Variants in SPP2 observed in about 807,000 individuals in gnomAD.
The protein encoded by SPP2 is secreted phosphoprotein 2.
Under a neutral mutation model 28.8 loss-of-function variants are expected in SPP2, and 34 were observed. The observed-to-expected ratio is 1.18, with a 90% CI of 0.90 to 1.57. The LOEUF is 1.57. SPP2 is among the 40% of genes most tolerant of loss of function. The pLI, the probability that SPP2 is intolerant of heterozygous loss-of-function variation, is 0.00. For missense variants in SPP2, 269 were observed against 263.9 expected (o/e 1.02, Z -0.13); for synonymous variants, 96 against 89.4 (o/e 1.07, Z -0.42).
chr2:234,051,185 C>T lies in SPP2; in HGVS notation c.210+90C>T, dbSNP rs1693489884. 5 of 1,513,328 alleles carry T rather than the reference C, an allele frequency of 3.3e-6. No homozygotes were observed. The Admixed American group carries it at 7.6e-5, about 23-fold the overall frequency. The allele number at this position is 1,513,328 out of a possible 1,614,324, so 93.7% of individuals were successfully genotyped here. A position where few individuals can be genotyped will look rare whatever the true frequency, so the allele number is the denominator to read the frequency against. ...TGGATATACTTTTAAGAAATTTTCT[C>T]CAGTTTAAAAATGATAGTAGCTAGT... On this transcript the variant is annotated intron_variant, in intron 2 of 7. Transcript: ENST00000168148.
rs746200177 is a variant in SPP2, at chr2:234,058,974, C to G, written c.333+16C>G. ...CTACTATGTGGTAAGTGGGAGGAGA[C>G]CCATCCCAGAAATGAACAAAAGGAA... On this transcript the variant is annotated intron_variant, in intron 3 of 7. Coordinates refer to ENST00000168148, the MANE Select transcript of SPP2 (RefSeq NM_006944.3). The G allele has an allele frequency of 3.1e-6, 5 of 1,604,598 alleles. No individual in the cohort carries two copies. Among genetic ancestry groups the G allele is most frequent in the Non-Finnish European group, 3.4e-6 (4 of 1,176,600 alleles).
intron 4 of SPP2, among the ~76,000 whole-genome samples, chr2:234,062,392 G>A (rs1693736757): frequency 6.6e-6 from 1 of 152,156 alleles, no homozygotes; most frequent in Non-Finnish European, 1.5e-5. Flanking sequence ...CAGGAAAGCT[G>A]GTGGGTTGAA....
At chr2:234,069,295 C>T (rs1484678852) in intron 6 of SPP2, among the ~76,000 whole-genome samples, 1 of 152,074 alleles carries the variant, frequency 6.6e-6, no homozygotes, top group Non-Finnish European at 1.5e-5. Context: ...ATCACTTCTG[C>T]ATAATCTATT....
At chr2:234,057,530 G>T (rs1169928767) in intron 2 of SPP2, among the ~76,000 whole-genome samples, 6 of 152,126 alleles carry the variant, frequency 3.9e-5, no homozygotes, top group Non-Finnish European at 8.8e-5. Flanking sequence ...TTTCTTGATA[G>T]CCCCATAACT....
chr2:234,070,374 G>A (rs562316277), intron 7 of SPP2, among the ~76,000 whole-genome samples: 26 of 152,240 alleles, frequency 1.7e-4, no homozygotes, highest in South Asian at 4.2e-4. Flanking sequence ...ACACAACTGC[G>A]GTCTCTGGTT....
In SPP2 at chr2:234,067,250, G is replaced by T; in HGVS notation, c.526G>T (p.Glu176Ter). 1 of 1,613,996 alleles carries T rather than the reference G, an allele frequency of 6.2e-7. No individual in the cohort carries two copies. Among genetic ancestry groups the T allele is most frequent in the Non-Finnish European group, 8.5e-7 (1 of 1,179,980 alleles). ...TCTCATTTCAGACGAGTCCATAAGT[G>T]AACAATTTTATGATCGGTCACTTGG... ...FGLISDESISEQFYDRSLGIM... is the reference protein window; with the variant it reads ...FGLISDESIS Residue 176 changes from glutamate to a stop codon, truncating the protein, a stop_gained, in exon 6 of 8, where the codon GAA (glutamate) becomes TAA (stop). Transcript: ENST00000168148. LOFTEE classifies it high-confidence loss of function.
chr2:234,050,970 G>T lies in SPP2; in HGVS notation c.86-1G>T, dbSNP rs1400560316. On this transcript the variant is annotated splice_acceptor_variant, in intron 1 of 7. Transcript: ENST00000168148. LOFTEE classifies it high-confidence loss of function. ...TGTGCCCCATGTGCTTGCGTGTCCAGGTTTCCCAGTGTACGACTACGATCC... is the reference window on the plus strand; with the variant it reads ...TGTGCCCCATGTGCTTGCGTGTCCATGTTTCCCAGTGTACGACTACGATCC... The T allele has an allele frequency of 1.7e-5, 28 of 1,613,898 alleles. No individual in the cohort carries two copies. The highest frequency in any genetic ancestry group is 2.3e-5 in the Non-Finnish European group (27 of 1,179,942).
At chr2:234,055,894 T>A (rs1366817174) in intron 2 of SPP2, among the ~76,000 whole-genome samples, 1 of 152,008 alleles carries the variant, frequency 6.6e-6, no homozygotes, top group Non-Finnish European at 1.5e-5. Context: ...ATTTTATGAG[T>A]ATCTTGGTAA....
At chr2:234,068,706 T>A (rs1693875158) in intron 6 of SPP2, among the ~76,000 whole-genome samples, 1 of 151,778 alleles carries the variant, frequency 6.6e-6, no homozygotes, top group African/African-American at 2.4e-5. Flanking sequence ...CCATGGCTTT[T>A]TTTTTTTTTT....
chr2:234,060,429 G>A lies in SPP2; in HGVS notation c.394G>A (p.Ala132Thr), dbSNP rs759424087. ...TGCCCAGCAGGTGCAGGGCGTGCAT[G>A]CTCGCTGCAGCTGGTCCTCCTCCAC... ...VSAQQVQGVH[A>T]RCSWSSSTSE... Residue 132 changes from alanine (A) to threonine (T), a missense_variant, in exon 4 of 8, where the codon GCT becomes ACT. Transcript: ENST00000168148. The A allele has an allele frequency of 1.2e-5, 19 of 1,613,458 alleles. No homozygotes were observed. The highest frequency in any genetic ancestry group is 1.6e-5 in the Non-Finnish European group (19 of 1,179,864).
intron 2 of SPP2, 79 bp from the exon 3 acceptor site, chr2:234,058,757 T>C (rs996223113): frequency 2.1e-6 from 3 of 1,462,962 alleles, no homozygotes; most frequent in Admixed American, 4.3e-5. Flanking sequence ...TTTTTTCTTA[T>C]GGGGTAGAGA....
intron 2 of SPP2, 145 bp downstream of exon 2, chr2:234,051,240 A>T: frequency 8.5e-7 from 1 of 1,177,792 alleles, no homozygotes; most frequent in Non-Finnish European, 1.2e-6. Flanking sequence ...CTTTTCTTTG[A>T]CAGAGAAAGA....
chr2:234,066,411 T>G (rs1693821801), intron 4 of SPP2, 122 bp from the exon 5 acceptor site: 1 of 794,084 alleles, frequency 1.3e-6, no homozygotes, highest in East Asian at 2.5e-5. Context: ...TATTGCCTAT[T>G]TCATTAAAAA....
rs370457451 is a variant in SPP2 at position 234,066,594 on chromosome 2, T to G, written c.499+7T>G. 4.0e-5 allele frequency: 65 copies of G among 1,606,410 alleles called. No homozygotes were observed. Among genetic ancestry groups the G allele is most frequent in the Non-Finnish European group, 5.4e-5 (63 of 1,176,636 alleles). ...AGAAACAATTATCTATTTGGTAAGT[T>G]AAGATCTGTTCTTTTTAACTTTTTT... On this transcript the variant is annotated splice_region_variant and intron_variant, in intron 5 of 7. Coordinates refer to ENST00000168148, the MANE Select transcript of SPP2 (RefSeq NM_006944.3).
intron 2 of SPP2, among the ~76,000 whole-genome samples, chr2:234,052,903 A>G (rs946175289): frequency 4.6e-5 from 7 of 152,152 alleles, no homozygotes; most frequent in African/African-American, 1.7e-4. Flanking sequence ...TGTATTAACC[A>G]TGTCTTCTAT....
At position 234,058,949 on chromosome 2, in the gene SPP2, C is replaced by T. The variant is rs778217921; in HGVS notation, c.324C>T (p.Asp108=). Residue 108 remains aspartate, a synonymous_variant, in exon 3 of 8, where the codon GAC becomes GAT. Coordinates refer to ENST00000168148, the MANE Select transcript of SPP2 (RefSeq NM_006944.3). ...CCGCTACATGTGCCTTCCAGAGGGA[C>T]TACTATGTGGTAAGTGGGAGGAGAC... ...EDPATCAFQR[D]YYVSTAVCRS... is the part of the protein sequence containing the mutation. 6.2e-7 allele frequency: 1 copy of T among 1,613,544 alleles called. No homozygotes were observed. The highest frequency in any genetic ancestry group is 1.1e-5 in the South Asian group (1 of 90,924).
intron 4 of SPP2, among the ~76,000 whole-genome samples, chr2:234,060,837 A>G (rs10192448): frequency 0.29 from 43,516 of 151,832 alleles, 6,371 homozygotes; most frequent in South Asian, 0.48. Flanking sequence ...AGTAAAATTA[A>G]CAAACCTTTA....
At position 234,060,368 on chromosome 2, in the gene SPP2, G is replaced by C; in HGVS notation, c.334-1G>C. The C allele has an allele frequency of 6.2e-7, 1 of 1,612,714 alleles. No individual in the cohort carries two copies. ...AGAACTCACCCCTTTGTCTTTTCCA[G>C]TCCACAGCTGTTTGCAGAAGCACCG... is the stretch of plus-strand genomic sequence containing the variant. On this transcript the variant is annotated splice_acceptor_variant, in intron 3 of 7. Transcript: ENST00000168148. LOFTEE classifies it high-confidence loss of function.
chr2:234,075,706 C>A (rs6716333), intron 7 of SPP2, among the ~76,000 whole-genome samples: 9,764 of 152,224 alleles, frequency 0.064, 551 homozygotes, highest in African/African-American at 0.15. Context: ...GCTTTGACAC[C>A]CAGCTGTCTG....
Sources: allele counts gnomAD v4.1 joint callset (sites outside exome capture counted in the v4.1 genomes callset), GRCh38; gene constraint gnomAD v4.1.1; transcripts MANE v1.5; gene names NCBI Gene and HGNC (gene_info 2026-07-23, HGNC 2026-07-21).